The following PLCB1 variants were observed in gnomAD, a reference collection of about 807,000 sequenced individuals.
PLCB1 encodes the protein phospholipase C beta 1.
PLCB1 carries 46 observed loss-of-function variants against 161.8 expected under a neutral mutation model. The observed-to-expected ratio is 0.28, with a 90% CI of 0.22 to 0.36. The LOEUF is 0.36. Ranked by LOEUF, PLCB1 falls within the 10% of genes least tolerant of loss-of-function variation. The pLI is 1.00. For missense variants in PLCB1, 1,016 were observed against 1,472.5 expected, an observed-to-expected ratio of 0.69 and a Z score of 5.07; for synonymous variants, 517 against 503.7, an observed-to-expected ratio of 1.03 and a Z score of -0.35.
Position 8,681,086 on chromosome 20 carries a change from G to GTATATATATATA in PLCB1, c.863-3823_863-3812dup, listed in dbSNP as rs202198416. Among the ~76,000 whole-genome samples, 514 of 73,704 alleles carry GTATATATATATA rather than the reference G, an allele frequency of 7.0e-3. 4 individuals are homozygous for GTATATATATATA. Among genetic ancestry groups the GTATATATATATA allele is most frequent in the East Asian group, 0.017 (41 of 2,372 alleles). 48.4% of individuals were successfully genotyped at this position (73,704 alleles called of 152,430 possible). On this transcript the variant is annotated intron_variant, in intron 9 of 31. Transcript: ENST00000338037. ...TATATATGTGTGTATATGTGTGTGTGTATATATATATATATATATATATAT... is the reference window on the plus strand; with the variant it reads ...TATATATGTGTGTATATGTGTGTGTGTATATATATATATATATATATATATATATATATATAT...
intron 3 of PLCB1, among the ~76,000 whole-genome samples, chr20:8,398,205 C>A (rs150163563): frequency 2.5e-4 from 38 of 152,042 alleles, no homozygotes; most frequent in African/African-American, 8.2e-4. Context: ...TGTTTAAGGA[C>A]CATGCATGTA....
intron 2 of PLCB1, among the ~76,000 whole-genome samples, chr20:8,315,458 A>G (rs1984601276): frequency 6.6e-6 from 1 of 152,166 alleles, no homozygotes; most frequent in African/African-American, 2.4e-5. Flanking sequence ...AAGAGTCACC[A>G]TACTCCTCTA....
In PLCB1 at chr20:8,376,464, C is replaced by T. The variant is rs568736905; in HGVS notation, c.246+5014C>T. On this transcript the variant is annotated intron_variant, in intron 3 of 31. Transcript: ENST00000338037. ...TTTTTTACTTCATTCTTTATTGATT[C>T]ATTGATTGATTGATATTCAATGACA... Among the ~76,000 whole-genome samples, 4 of 152,132 alleles carry T rather than the reference C, an allele frequency of 2.6e-5. No homozygotes were observed. The East Asian group carries it at 7.7e-4, about 29-fold the overall frequency.
In PLCB1 at chr20:8,818,893, A is replaced by G. The variant is rs1015990624; in HGVS notation, c.3423+28632A>G. 6.7e-5 allele frequency among the ~76,000 whole-genome samples: 10 copies of G among 149,430 alleles called. 1 individual carries two copies. Among genetic ancestry groups the G allele is most frequent in the Admixed American group, 3.4e-4 (5 of 14,862 alleles). ...GAGGCGGAGGCTGCAGTGAGCCAAG[A>G]TTGTGCCACTGCACTCTCCAGCCTG... is the stretch of plus-strand genomic sequence containing the variant. On this transcript the variant is annotated intron_variant, in intron 31 of 31. Transcript: ENST00000338037.
chr20:8,677,624 C>T (rs567415585), intron 9 of PLCB1, among the ~76,000 whole-genome samples: 1 of 152,010 alleles, frequency 6.6e-6, no homozygotes, highest in Non-Finnish European at 1.5e-5. Context: ...GCCAGAGGGA[C>T]AAAAACCAAA....
At chr20:8,371,035 C>T (rs1171635068) in intron 2 of PLCB1, 2 of 200,290 alleles carry the variant, frequency 1.0e-5, no homozygotes. Flanking sequence ...TCTCTACCGA[C>T]ATACCCTCAT....
intron 31 of PLCB1, among the ~76,000 whole-genome samples, chr20:8,826,524 G>A (rs1467727557): frequency 6.6e-6 from 1 of 151,072 alleles, no homozygotes; most frequent in East Asian, 1.9e-4. Context: ...AAGAAAAGAA[G>A]GCCTCAGATG....
intron 4 of PLCB1, among the ~76,000 whole-genome samples, chr20:8,644,578 G>A (rs1989090926): frequency 6.6e-6 from 1 of 151,618 alleles, no homozygotes; most frequent in African/African-American, 2.4e-5. Flanking sequence ...CGTCTGAGAA[G>A]TGAGGAGCCC....
At chr20:8,849,594 T>G (rs1457308367) in intron 31 of PLCB1, among the ~76,000 whole-genome samples, 3 of 151,806 alleles carry the variant, frequency 2.0e-5, no homozygotes, top group Non-Finnish European at 2.9e-5. Flanking sequence ...GAGAATCGCT[T>G]GAATCTAGGA....
intron 2 of PLCB1, among the ~76,000 whole-genome samples, chr20:8,327,462 T>C (rs913518494): frequency 5.3e-5 from 8 of 152,192 alleles, no homozygotes; most frequent in Admixed American, 4.6e-4. Flanking sequence ...CAGATGCCCA[T>C]GCTTAGCTGC....
At chr20:8,488,585 T>G (rs1196060723) in intron 3 of PLCB1, among the ~76,000 whole-genome samples, 1 of 152,144 alleles carries the variant, frequency 6.6e-6, no homozygotes, top group African/African-American at 2.4e-5. Context: ...CTTAGAATAA[T>G]CTACCTTACC....
At chr20:8,490,677 A>G (rs1982907123) in intron 3 of PLCB1, among the ~76,000 whole-genome samples, 1 of 152,152 alleles carries the variant, frequency 6.6e-6, no homozygotes, top group Admixed American at 6.5e-5. Context: ...ATACATGGGT[A>G]GTGATATTGC....
chr20:8,180,802 C>A (rs982184147), intron 2 of PLCB1, among the ~76,000 whole-genome samples: 1 of 152,128 alleles, frequency 6.6e-6, no homozygotes, highest in Non-Finnish European at 1.5e-5. Context: ...TTGCCTGAAT[C>A]ATGGTACCTC....
chr20:8,243,029 C>T (rs763423860), intron 2 of PLCB1, among the ~76,000 whole-genome samples: 2 of 151,946 alleles, frequency 1.3e-5, no homozygotes, highest in Non-Finnish European at 2.9e-5. Context: ...TCTAAATTTG[C>T]ATCGTTACGG....
At chr20:8,169,303 G>T (rs2051708129) in intron 2 of PLCB1, among the ~76,000 whole-genome samples, 1 of 152,100 alleles carries the variant, frequency 6.6e-6, no homozygotes, top group South Asian at 2.1e-4. Flanking sequence ...AACTCCCAGG[G>T]TTCAAAACCT....
chr20:8,192,639 C>A (rs2051981862), intron 2 of PLCB1, among the ~76,000 whole-genome samples: 1 of 151,636 alleles, frequency 6.6e-6, no homozygotes, highest in African/African-American at 2.4e-5. Context: ...ACATCATTTA[C>A]AAGGAGTAAA....
intron 27 of PLCB1, among the ~76,000 whole-genome samples, chr20:8,781,412 AC>A (rs1983223893): frequency 9.3e-5 from 2 of 21,500 alleles, no homozygotes; most frequent in African/African-American, 1.9e-4. Context: ...ACACACACAC[AC>A]ACAAACACAC....
intron 3 of PLCB1, among the ~76,000 whole-genome samples, chr20:8,516,610 T>C (rs1984126825): frequency 6.8e-6 from 1 of 147,020 alleles, no homozygotes; most frequent in African/African-American, 2.5e-5. Context: ...ATTACAAACA[T>C]TGGAATTGCA....
intron 31 of PLCB1, among the ~76,000 whole-genome samples, chr20:8,795,025 G>A (rs1180082906): frequency 1.3e-5 from 2 of 152,302 alleles, no homozygotes; most frequent in East Asian, 3.9e-4. Context: ...TCCTGCAATA[G>A]CAGTCATAGG....
Sources: gnomAD v4.1 joint callset for allele counts (sites outside exome capture counted in the v4.1 genomes callset) on GRCh38, gnomAD v4.1.1 for gene constraint, MANE v1.5 for transcripts, NCBI Gene and HGNC (gene_info 2026-07-23, HGNC 2026-07-21) for gene names.